EAPP: variants seen among roughly 807,000 people sequenced by gnomAD.
EAPP encodes the protein E2F-associated phosphoprotein.
Under a neutral mutation model 34.3 loss-of-function variants are expected in EAPP, and 38 were observed. The observed-to-expected ratio is 1.11, with a 90% CI of 0.85 to 1.45. The LOEUF is 1.45. EAPP is among the 40% of genes most tolerant of loss of function. The pLI is 0.00. For missense variants in EAPP, 338 were observed against 343.7 expected (o/e 0.98, Z 0.13); for synonymous variants, 113 against 117.6 (o/e 0.96, Z 0.25).
chr14:34,534,158 A>C (rs367644022), intron 2 of EAPP, among the ~76,000 whole-genome samples: 83 of 145,910 alleles, frequency 5.7e-4, no homozygotes, highest in Non-Finnish European at 1.1e-3. Flanking sequence ...TTTGAGACTG[A>C]GTCTCACTCT....
chr14:34,520,961 T>G (rs573839024), intron 5 of EAPP, among the ~76,000 whole-genome samples: 1 of 152,318 alleles, frequency 6.6e-6, no homozygotes, highest in South Asian at 2.1e-4. Flanking sequence ...ACAGTTTTAC[T>G]GTTTTATTGT....
At chr14:34,531,921 A>G (rs1405738501) in intron 3 of EAPP, among the ~76,000 whole-genome samples, 1 of 151,200 alleles carries the variant, frequency 6.6e-6, no homozygotes, top group African/African-American at 2.4e-5. Flanking sequence ...CTAAAAATAC[A>G]AAAAATTAGC....
chr14:34,532,762 C>T (rs1880339426), intron 3 of EAPP, among the ~76,000 whole-genome samples: 1 of 150,706 alleles, frequency 6.6e-6, no homozygotes, highest in Non-Finnish European at 1.5e-5. Context: ...GCAACCTCTA[C>T]CTCCCTGGTT....
At position 34,536,399 on chromosome 14, in the gene EAPP, C is replaced by T. The variant is rs572050715; in HGVS notation, c.75-124G>A. ...CATGGTTACATTTGATGTACTTATACATTACATATAGCTATTCTCACTTAA... is the reference window on the plus strand; with the variant it reads ...CATGGTTACATTTGATGTACTTATATATTACATATAGCTATTCTCACTTAA... On this transcript the variant is annotated intron_variant, in intron 1 of 5. Coordinates refer to ENST00000250454, the MANE Select transcript of EAPP (RefSeq NM_018453.4). 7.7e-5 allele frequency: 46 copies of T among 599,288 alleles called. No individual in the cohort carries two copies. The African/African-American group carries it at 8.7e-4, about 11-fold the overall frequency. 37.1% of individuals were successfully genotyped at this position (599,288 alleles called of 1,614,324 possible).
Position 34,516,258 on chromosome 14 carries a change from T to C in EAPP, c.*52A>G. Reference sequence around the variant, plus strand: ...TGAACAGGCAAGAGGAAAGTAACTGTCCATATTTGCCTTATATACAGTATT... The same window carrying C: ...TGAACAGGCAAGAGGAAAGTAACTGCCCATATTTGCCTTATATACAGTATT... On this transcript the variant is annotated 3_prime_UTR_variant, in exon 6 of 6. Transcript: ENST00000250454. 6.0e-6 allele frequency: 9 copies of C among 1,508,044 alleles called. No individual in the cohort carries two copies. The highest frequency in any genetic ancestry group is 8.0e-6 in the Non-Finnish European group (9 of 1,118,848). The allele number at this position is 1,508,044 out of a possible 1,614,324, so 93.4% of individuals were successfully genotyped here.
chr14:34,539,446 C>A, intron 1 of EAPP, 109 bp downstream of exon 1: 2 of 1,230,918 alleles, frequency 1.6e-6, no homozygotes, highest in Non-Finnish European at 2.3e-6. Context: ...GCACGACAGG[C>A]TCCCGAGCCG....
intron 5 of EAPP, among the ~76,000 whole-genome samples, chr14:34,517,714 G>C (rs1463513532): frequency 6.6e-6 from 1 of 150,552 alleles, no homozygotes; most frequent in East Asian, 1.9e-4. Context: ...GTTTTTTGGG[G>C]TCTCAATTTC....
intron 1 of EAPP, among the ~76,000 whole-genome samples, chr14:34,537,437 C>A (rs1184818984): frequency 1.3e-5 from 2 of 152,178 alleles, no homozygotes; most frequent in Non-Finnish European, 2.9e-5. Context: ...TTGTCATTAT[C>A]TCAACCAAAG....
chr14:34,521,304 C>G (rs551376592), intron 5 of EAPP, among the ~76,000 whole-genome samples: 8 of 152,186 alleles, frequency 5.3e-5, no homozygotes, highest in African/African-American at 1.9e-4. Context: ...CTGCTGACCT[C>G]AGGTGATCCA....
intron 5 of EAPP, among the ~76,000 whole-genome samples, chr14:34,523,993 C>T (rs1226602297): frequency 5.3e-5 from 8 of 152,092 alleles, no homozygotes; most frequent in Non-Finnish European, 8.8e-5. Context: ...CAGTGGCTCA[C>T]GCATGTAATC....
In EAPP at chr14:34,539,539, T is replaced by G. The variant is rs747229953; in HGVS notation, c.74+16A>C. The G allele has an allele frequency of 5.0e-6, 8 of 1,604,194 alleles. No individual in the cohort carries two copies. The Admixed American group carries it at 5.0e-5, about 10-fold the overall frequency. On this transcript the variant is annotated intron_variant, in intron 1 of 5. Transcript: ENST00000250454. ...CGACCCAAATCCTCGGGGGCCAGGG[T>G]GGGGCGGGAGCCCACCTGCTCAAAG...
intron 5 of EAPP, among the ~76,000 whole-genome samples, chr14:34,523,446 C>T (rs551972076): frequency 2.6e-5 from 4 of 151,398 alleles, no homozygotes; most frequent in South Asian, 2.1e-4. Context: ...ACCGTGGTCT[C>T]GATCTCCTGA....
At chr14:34,527,782 A>T (rs1057158475) in intron 4 of EAPP, among the ~76,000 whole-genome samples, 1 of 152,160 alleles carries the variant, frequency 6.6e-6, no homozygotes, top group Non-Finnish European at 1.5e-5. Context: ...CAGTGCACAG[A>T]TCAGTGGCTG....
At chr14:34,518,673 T>C (rs918886272) in intron 5 of EAPP, among the ~76,000 whole-genome samples, 1 of 152,172 alleles carries the variant, frequency 6.6e-6, no homozygotes, top group African/African-American at 2.4e-5. Flanking sequence ...AGTTCCAATG[T>C]TGGCTGCATA....
intron 3 of EAPP, among the ~76,000 whole-genome samples, 162 bp downstream of exon 3, chr14:34,533,282 G>A (rs1287461402): frequency 6.6e-6 from 1 of 151,464 alleles, no homozygotes; most frequent in African/African-American, 2.4e-5. Flanking sequence ...TGATCTGCCT[G>A]CATCAGCCTC....
In EAPP at chr14:34,533,452, T is replaced by G. The variant is rs368060325; in HGVS notation, c.344A>C (p.Asp115Ala). 8.1e-6 allele frequency: 13 copies of G among 1,611,524 alleles called. No homozygotes were observed. Among genetic ancestry groups the G allele is most frequent in the Middle Eastern group, 1.6e-4 (1 of 6,076 alleles). Residue 115 changes from aspartate (D) to alanine (A), a missense_variant, in exon 3 of 6, where the codon GAC (aspartate) becomes GCC (alanine). Asp to Ala is a moderately radical substitution (Grantham distance 126). Coordinates refer to ENST00000250454, the MANE Select transcript of EAPP (RefSeq NM_018453.4). ...GTAAATAGGTTACTTACCTGCTCTG[T>G]CTTCATCCTCGGAATCAGAATCAAA... ...IYFDSDSEDE[D>A]RAVQVTKKKK...
intron 5 of EAPP, among the ~76,000 whole-genome samples, chr14:34,520,064 T>C (rs1479987920): frequency 6.6e-6 from 1 of 151,800 alleles, no homozygotes; most frequent in African/African-American, 2.4e-5. Flanking sequence ...TTTTTATATT[T>C]TTAGTAGAGA....
At chr14:34,527,409 G>A (rs1040371705) in intron 4 of EAPP, among the ~76,000 whole-genome samples, 38 of 152,140 alleles carry the variant, frequency 2.5e-4, no homozygotes, top group Admixed American at 2.5e-3. Context: ...TGTGCCTACA[G>A]TCACAGCTAC....
At chr14:34,527,110 C>A (rs979610473) in intron 4 of EAPP, among the ~76,000 whole-genome samples, 2 of 139,954 alleles carry the variant, frequency 1.4e-5, no homozygotes, top group African/African-American at 5.3e-5. Context: ...GAGGAGGTTG[C>A]GGTGAGCCAA....
Sources: gnomAD v4.1 joint callset for allele counts (sites outside exome capture counted in the v4.1 genomes callset) on GRCh38, gnomAD v4.1.1 for gene constraint, MANE v1.5 for transcripts, NCBI Gene and HGNC (gene_info 2026-07-23, HGNC 2026-07-21) for gene names.